OR52N1: variants seen among roughly 807,000 people sequenced by gnomAD.
OR52N1 encodes the protein olfactory receptor family 52 subfamily N member 1.
OR52N1 carries 11 observed loss-of-function variants against 13.9 expected under a neutral mutation model. That is an observed-to-expected ratio of 0.79 (90% CI 0.50 to 1.31). The LOEUF (loss-of-function observed/expected upper bound fraction) is 1.31, where lower values mean the gene tolerates loss of function less well. OR52N1 is among the 40% of genes most tolerant of loss of function. The pLI, the probability that OR52N1 is intolerant of heterozygous loss-of-function variation, is 0.00. For missense variants in OR52N1, 414 were observed against 397.7 expected, an observed-to-expected ratio of 1.04 and a Z score of -0.35; for synonymous variants, 142 against 143.7, an observed-to-expected ratio of 0.99 and a Z score of 0.08.
chr11:5,788,961 T>A, intron 1 of OR52N1, 101 bp from the exon 2 acceptor site: 1 of 831,626 alleles, frequency 1.2e-6, no homozygotes. Context: ...GATCAATGAC[T>A]ATATTTGTTC....
chr11:5,788,941 TTTC>T, intron 1 of OR52N1, 81 bp from the exon 2 acceptor site: 1 of 1,054,704 alleles, frequency 9.5e-7, no homozygotes, highest in Admixed American at 2.5e-5. Flanking sequence ...GCTATTTTGT[TTTC>T]CTTGTAGATC....
At chr11:5,788,963 T>A in intron 1 of OR52N1, 103 bp from the exon 2 acceptor site, 1 of 807,972 alleles carries the variant, frequency 1.2e-6, no homozygotes, top group Non-Finnish European at 1.9e-6. Context: ...TCAATGACTA[T>A]ATTTGTTCTA....
At position 5,788,703 on chromosome 11, in the gene OR52N1, G is replaced by A. The variant is rs759719361; in HGVS notation, c.114C>T (p.Ser38=). Residue 38 remains serine, a synonymous_variant, in exon 2 of 2, where the codon AGC becomes AGT. Transcript: ENST00000641645. ...WISFPLCTMY[S]IAITGNFGLM... is the part of the protein sequence containing the mutation. ...GGCCGAAGTTCCCTGTAATAGCAATGCTGTACATGGTACACAGTGGGAAGG... is the reference window on the plus strand; with the variant it reads ...GGCCGAAGTTCCCTGTAATAGCAATACTGTACATGGTACACAGTGGGAAGG... 1.2e-6 allele frequency: 2 copies of A among 1,613,888 alleles called. No homozygotes were observed. Among genetic ancestry groups the A allele is most frequent in the Non-Finnish European group, 1.7e-6 (2 of 1,179,954 alleles).
chr11:5,788,658 A>C lies in OR52N1; in HGVS notation c.159T>G (p.Cys53Trp), dbSNP rs1267426420. 5.0e-6 allele frequency: 8 copies of C among 1,613,786 alleles called. No homozygotes were observed. The highest frequency in any genetic ancestry group is 6.8e-6 in the Non-Finnish European group (8 of 1,179,836). Reference sequence around the variant, plus strand: ...ACATAGGTCTGTGTAAGGCCTCATCACAGTAGATGAGGTACATAAGGCCGA... The same window carrying C: ...ACATAGGTCTGTGTAAGGCCTCATCCCAGTAGATGAGGTACATAAGGCCGA... ...GNFGLMYLIY[C>W]DEALHRPMYV... The change falls in exon 2 of 2, where the codon TGT becomes TGG. Residue 53 changes from cysteine (C) to tryptophan (W), a missense_variant. Physicochemically the swap from Cys to Trp is radical, Grantham distance 215 (BLOSUM62 -2). Transcript: ENST00000641645.
In OR52N1 at chr11:5,788,852, G is replaced by A; in HGVS notation, c.-36C>T. On this transcript the variant is annotated 5_prime_UTR_variant, in exon 2 of 2. Transcript: ENST00000641645. ...GGAAGTTCATTGTATAGCAGTTATA[G>A]CATTGCCTCTGTGAGCAGGAAATAA... 3 of 1,526,120 alleles carry A rather than the reference G, an allele frequency of 2.0e-6. No homozygotes were observed. Among genetic ancestry groups the A allele is most frequent in the Non-Finnish European group, 2.6e-6 (3 of 1,144,910 alleles). The allele number at this position is 1,526,120 out of a possible 1,614,324, so 94.5% of individuals were successfully genotyped here.
Position 5,787,583 on chromosome 11 carries a change from G to T in OR52N1, c.*271C>A, listed in dbSNP as rs932230930. On this transcript the variant is annotated 3_prime_UTR_variant, in exon 2 of 2. Transcript: ENST00000641645. ...AACCACTGTGCTGCAAATTTGTGTA[G>T]ACTGTCATTTAGGAGAGAAGATGAT... 2 of 258,994 alleles carry T rather than the reference G, an allele frequency of 7.7e-6. No homozygotes were observed. The highest frequency in any genetic ancestry group is 1.4e-5 in the Non-Finnish European group (2 of 138,748). The allele number at this position is 258,994 out of a possible 1,614,324, so 16.0% of individuals were successfully genotyped here. A position where few individuals can be genotyped will look rare whatever the true frequency, so the allele number is the denominator to read the frequency against.
rs77821692 is a variant in OR52N1 at position 5,788,875 on chromosome 11, T to A, written c.-44-15A>T. The A allele has an allele frequency of 3.3e-5, 44 of 1,316,180 alleles. No homozygotes were observed. The highest frequency in any genetic ancestry group is 7.9e-5 in the African/African-American group (4 of 50,494). 81.5% of individuals were successfully genotyped at this position (1,316,180 alleles called of 1,614,324 possible). ...TAGCATTGCCTCTGTGAGCAGGAAATAAAAAAAAGAGTAATTTCAAGGAGT... is the reference window on the plus strand; with the variant it reads ...TAGCATTGCCTCTGTGAGCAGGAAAAAAAAAAAAGAGTAATTTCAAGGAGT... On this transcript the variant is annotated splice_polypyrimidine_tract_variant and intron_variant, in intron 1 of 1. Coordinates refer to ENST00000641645, the MANE Select transcript of OR52N1 (RefSeq NM_001001913.2).
chr11:5,789,910 C>G (rs1854637368), intron 1 of OR52N1, among the ~76,000 whole-genome samples: 1 of 152,002 alleles, frequency 6.6e-6, no homozygotes, highest in Non-Finnish European at 1.5e-5. Context: ...AAAATAAGAA[C>G]AAACTCAAAG....
In OR52N1 at chr11:5,788,496, G is replaced by A. The variant is rs780339312; in HGVS notation, c.321C>T (p.His107=). The A allele has an allele frequency of 1.2e-6, 2 of 1,614,022 alleles. No homozygotes were observed. The highest frequency in any genetic ancestry group is 8.5e-7 in the Non-Finnish European group (1 of 1,179,946). Residue 107 remains histidine (H), a synonymous_variant, in exon 2 of 2, where the codon CAC becomes CAT. Transcript: ENST00000641645. ...KACLAQMFFV[H]TFTGMESGVL... ...CCCCAGACTCCATCCCTGTGAAGGT[G>A]TGCACAAAGAACATCTGGGCGAGGC...
rs1046269620 is a variant in OR52N1, at chr11:5,786,657, TTATCCAGTCTATCA to T, written c.*1183_*1196del. 7.2e-6 allele frequency: 1 copy of T among 138,294 alleles called. No individual in the cohort carries two copies. Among genetic ancestry groups the T allele is most frequent in the Non-Finnish European group, 1.6e-5 (1 of 62,944 alleles). 8.6% of individuals were successfully genotyped at this position (138,294 alleles called of 1,614,324 possible). A position where few individuals can be genotyped will look rare whatever the true frequency, so the allele number is the denominator to read the frequency against. On this transcript the variant is annotated 3_prime_UTR_variant, in exon 2 of 2. Transcript: ENST00000641645. ...ATGGTGTATATGTGCCACATTTTCT[TTATCCAGTCTATCA>T]TTGTTGAACATTTGGGTTGGTTCCA...
At chr11:5,789,747 T>C (rs1176517341) in intron 1 of OR52N1, among the ~76,000 whole-genome samples, 3 of 152,134 alleles carry the variant, frequency 2.0e-5, no homozygotes. Flanking sequence ...TTTGAGGCTA[T>C]GTAATCTCCA....
rs1469356268 is a variant in OR52N1, at chr11:5,787,612, T to C, written c.*242A>G. On this transcript the variant is annotated 3_prime_UTR_variant, in exon 2 of 2. Coordinates refer to ENST00000641645, the MANE Select transcript of OR52N1 (RefSeq NM_001001913.2). ...GTCATTTAGGAGAGAAGATGATGTC[T>C]GTGAAGATTAAATGCAGTGAACTTC... 1.2e-5 allele frequency: 4 copies of C among 329,320 alleles called. No homozygotes were observed. In the East Asian group the frequency reaches 2.0e-4, roughly 16 times the overall value. The allele number at this position is 329,320 out of a possible 1,614,324, so 20.4% of individuals were successfully genotyped here.
chr11:5,790,933 T>C (rs1854653871), intron 1 of OR52N1, among the ~76,000 whole-genome samples, 178 bp downstream of exon 1: 1 of 151,980 alleles, frequency 6.6e-6, no homozygotes, highest in South Asian at 2.1e-4. Context: ...ATAACTCCCA[T>C]AGGAGGGAGA....
chr11:5,789,575 CTA>C (rs1037346291), intron 1 of OR52N1, among the ~76,000 whole-genome samples: 12 of 152,002 alleles, frequency 7.9e-5, no homozygotes, highest in Admixed American at 5.2e-4. Context: ...CTAATTGACT[CTA>C]GAGTCAATTC....
In OR52N1 at chr11:5,788,278, T is replaced by G. The variant is rs1415876256; in HGVS notation, c.539A>C (p.Tyr180Ser). Residue 180 changes from tyrosine to serine, a missense_variant, in exon 2 of 2, where the codon TAC becomes TCC. Tyr to Ser is a moderately radical substitution (Grantham distance 144). Coordinates refer to ENST00000641645, the MANE Select transcript of OR52N1 (RefSeq NM_001001913.2). The part of the protein sequence containing the change: ...YCKGNVIPHT[Y>S]CDHMSVAKIS... ...CTTGGCCACAGACATGTGGTCACAG[T>G]AGGTGTGGGGTATGACGTTGCCCTT... 1.9e-6 allele frequency: 3 copies of G among 1,613,988 alleles called. No individual in the cohort carries two copies. Among genetic ancestry groups the G allele is most frequent in the South Asian group, 2.2e-5 (2 of 91,084 alleles).
Position 5,787,597 on chromosome 11 carries a change from A to G in OR52N1, c.*257T>C. On this transcript the variant is annotated 3_prime_UTR_variant, in exon 2 of 2. Transcript: ENST00000641645. ...AAATTTGTGTAGACTGTCATTTAGG[A>G]GAGAAGATGATGTCTGTGAAGATTA... 3.5e-6 allele frequency: 1 copy of G among 286,038 alleles called. No homozygotes were observed. The highest frequency in any genetic ancestry group is 6.4e-6 in the Non-Finnish European group (1 of 155,638). 17.7% of individuals were successfully genotyped at this position (286,038 alleles called of 1,614,324 possible). A position where few individuals can be genotyped will look rare whatever the true frequency, so the allele number is the denominator to read the frequency against.
chr11:5,789,108 C>T (rs922933384), intron 1 of OR52N1, among the ~76,000 whole-genome samples: 12 of 152,142 alleles, frequency 7.9e-5, no homozygotes, highest in Admixed American at 5.9e-4. Flanking sequence ...GTCCATTCTC[C>T]AGGCCAACGT....
chr11:5,787,834 T>A lies in OR52N1; in HGVS notation c.*20A>T. The A allele has an allele frequency of 6.9e-7, 1 of 1,450,486 alleles. No homozygotes were observed. The highest frequency in any genetic ancestry group is 9.2e-7 in the Non-Finnish European group (1 of 1,082,022). 89.9% of individuals were successfully genotyped at this position (1,450,486 alleles called of 1,614,324 possible). ...GGTGATCTCAACCTGGCTAAGAAAA[T>A]TCTAACATCTCAGAAGACTTTAAAA... On this transcript the variant is annotated 3_prime_UTR_variant, in exon 2 of 2. Transcript: ENST00000641645.
At position 5,788,700 on chromosome 11, in the gene OR52N1, A is replaced by C; in HGVS notation, c.117T>G (p.Ile39Met). The change falls in exon 2 of 2, where the codon ATT becomes ATG. Residue 39 changes from isoleucine to methionine, a missense_variant. Ile to Met is a conservative substitution (Grantham distance 10). Coordinates refer to ENST00000641645, the MANE Select transcript of OR52N1 (RefSeq NM_001001913.2). ...TAAGGCCGAAGTTCCCTGTAATAGC[A>C]ATGCTGTACATGGTACACAGTGGGA... ...ISFPLCTMYS[I>M]AITGNFGLMY... The C allele has an allele frequency of 6.2e-7, 1 of 1,613,902 alleles. No homozygotes were observed. Among genetic ancestry groups the C allele is most frequent in the Non-Finnish European group, 8.5e-7 (1 of 1,179,950 alleles).
Sources: gnomAD v4.1 joint callset for allele counts (sites outside exome capture counted in the v4.1 genomes callset) on GRCh38, gnomAD v4.1.1 for gene constraint, MANE v1.5 for transcripts, NCBI Gene and HGNC (gene_info 2026-07-23, HGNC 2026-07-21) for gene names.